MBD5: variants seen among roughly 807,000 people sequenced by gnomAD.
MBD5 encodes the protein methyl-CpG binding domain protein 5, also known as methyl-CpG-binding domain protein 5.
In MBD5, 13 loss-of-function variants were observed where a neutral mutation model predicts 117.3. That is an observed-to-expected ratio of 0.11 (90% CI 0.07 to 0.18). MBD5 has a LOEUF of 0.18. Ranked by LOEUF, MBD5 falls within the 10% of genes least tolerant of loss-of-function variation. The pLI, the probability that MBD5 is intolerant of heterozygous loss-of-function variation, is 1.00. For missense variants in MBD5, 1,879 were observed against 2,093.8 expected, an observed-to-expected ratio of 0.90 and a Z score of 2.00; for synonymous variants, 727 against 766.4, an observed-to-expected ratio of 0.95 and a Z score of 0.85.
intron 1 of MBD5, among the ~76,000 whole-genome samples, chr2:148,051,258 C>A (rs937576603): frequency 6.6e-6 from 1 of 151,972 alleles, no homozygotes; most frequent in East Asian, 1.9e-4. Context: ...CTGCTTTTTG[C>A]ATATTAATTT....
At chr2:148,429,349 A>G (rs1705910629) in intron 4 of MBD5, among the ~76,000 whole-genome samples, 1 of 152,210 alleles carries the variant, frequency 6.6e-6, no homozygotes, top group African/African-American at 2.4e-5. Context: ...AGGAAACAAC[A>G]GATGCTGGGG....
At chr2:148,376,125 G>A (rs78365303) in intron 4 of MBD5, among the ~76,000 whole-genome samples, 18,812 of 151,512 alleles carry the variant, frequency 0.12, 1,557 homozygotes, top group Non-Finnish European at 0.19. Flanking sequence ...CCTAAGGGAA[G>A]TTTCCAAGGT....
At chr2:148,371,154 C>T (rs912650280) in intron 4 of MBD5, among the ~76,000 whole-genome samples, 4 of 152,028 alleles carry the variant, frequency 2.6e-5, no homozygotes, top group Non-Finnish European at 4.4e-5. Flanking sequence ...TTTTAAAATT[C>T]CATCAAGAAT....
At chr2:148,413,492 G>A (rs1178194654) in intron 4 of MBD5, among the ~76,000 whole-genome samples, 1 of 148,552 alleles carries the variant, frequency 6.7e-6, no homozygotes, top group Non-Finnish European at 1.5e-5. Context: ...AATTAGGGAA[G>A]AGTCCCTCCT....
intron 3 of MBD5, among the ~76,000 whole-genome samples, chr2:148,312,031 T>C (rs982558781): frequency 1.3e-4 from 20 of 152,232 alleles, no homozygotes; most frequent in Non-Finnish European, 4.4e-5. Flanking sequence ...GATAATCTGA[T>C]GGGATTCCCT....
At chr2:148,023,085 C>A (rs1480546013) in intron 1 of MBD5, among the ~76,000 whole-genome samples, 2 of 150,834 alleles carry the variant, frequency 1.3e-5, no homozygotes, top group South Asian at 2.1e-4. Context: ...CTCCCTCACA[C>A]CCTTTTTTTT....
intron 4 of MBD5, among the ~76,000 whole-genome samples, chr2:148,382,280 T>A (rs1463362001): frequency 3.3e-5 from 5 of 151,078 alleles, no homozygotes; most frequent in South Asian, 2.1e-4. Flanking sequence ...CAAATGGAAA[T>A]CAAAAAAAGG....
At chr2:148,335,123 T>G (rs553189303) in intron 3 of MBD5, among the ~76,000 whole-genome samples, 2 of 152,236 alleles carry the variant, frequency 1.3e-5, no homozygotes, top group South Asian at 4.1e-4. Context: ...GTGCAGTAGC[T>G]CATGCCTGTA....
intron 3 of MBD5, among the ~76,000 whole-genome samples, chr2:148,340,306 G>A (rs1702903599): frequency 6.6e-6 from 1 of 152,070 alleles, no homozygotes; most frequent in African/African-American, 2.4e-5. Context: ...TTGTTTGCAA[G>A]ATATCACTTT....
chr2:148,099,400 T>C (rs759187434), intron 1 of MBD5, among the ~76,000 whole-genome samples: 15 of 152,184 alleles, frequency 9.9e-5, no homozygotes, highest in African/African-American at 3.6e-4. Context: ...TTATTTCTTA[T>C]AGTTTCAGAC....
intron 4 of MBD5, among the ~76,000 whole-genome samples, chr2:148,448,199 G>A (rs1464139424): frequency 6.6e-6 from 1 of 152,088 alleles, no homozygotes; most frequent in African/African-American, 2.4e-5. Flanking sequence ...CACAGTAAAA[G>A]ATCACTTATT....
In MBD5 at chr2:148,475,817, A is replaced by G. The variant is rs181303717; in HGVS notation, c.2518+5356A>G. Reference sequence around the variant, plus strand: ...AAAAATAATGCTAAAAAATATTCCTATGATGTCATCAAAATGGATTTCATT... The same window carrying G: ...AAAAATAATGCTAAAAAATATTCCTGTGATGTCATCAAAATGGATTTCATT... On this transcript the variant is annotated intron_variant, in intron 8 of 13. Coordinates refer to ENST00000642680, the MANE Select transcript of MBD5 (RefSeq NM_001378120.1). 2.6e-5 allele frequency among the ~76,000 whole-genome samples: 4 copies of G among 152,310 alleles called. No individual in the cohort carries two copies. The East Asian group carries it at 7.7e-4, about 29-fold the overall frequency.
chr2:148,145,319 A>G (rs1317257941), intron 1 of MBD5, among the ~76,000 whole-genome samples: 1 of 152,214 alleles, frequency 6.6e-6, no homozygotes, highest in Admixed American at 6.5e-5. Flanking sequence ...ACTTTGCTGA[A>G]GTTGCTTATC....
intron 1 of MBD5, among the ~76,000 whole-genome samples, chr2:148,141,932 T>C (rs2105543997): frequency 6.6e-6 from 1 of 152,192 alleles, no homozygotes; most frequent in Non-Finnish European, 1.5e-5. Flanking sequence ...CCTATGATTG[T>C]GCCACTGTAC....
Position 148,152,444 on chromosome 2 carries a change from G to A in MBD5, c.-924-26256G>A, listed in dbSNP as rs543278606. 3.0e-3 allele frequency among the ~76,000 whole-genome samples: 462 copies of A among 152,188 alleles called. 5 individuals carry two copies. The highest frequency in any genetic ancestry group is 0.01 in the African/African-American group (429 of 41,518). The stretch of plus-strand genomic sequence containing the variant: ...ATTTGGGGTGGAGAGTTCTGTAGAT[G>A]TCTATTAGGTCCGCTTGCTGCAGAG... On this transcript the variant is annotated intron_variant, in intron 1 of 13. Transcript: ENST00000642680.
At chr2:148,108,053 C>T (rs1696413548) in intron 1 of MBD5, among the ~76,000 whole-genome samples, 1 of 151,228 alleles carries the variant, frequency 6.6e-6, no homozygotes, top group Non-Finnish European at 1.5e-5. Context: ...TACAAATTCT[C>T]AGAGAAGATT....
At chr2:148,331,420 A>G (rs77510247) in intron 3 of MBD5, among the ~76,000 whole-genome samples, 1 of 151,750 alleles carries the variant, frequency 6.6e-6, no homozygotes, top group Non-Finnish European at 1.5e-5. Flanking sequence ...AGCCATGTGG[A>G]CAAAGATTAA....
chr2:148,330,037 C>T (rs1365624749), intron 3 of MBD5, among the ~76,000 whole-genome samples: 1 of 33,038 alleles, frequency 3.0e-5, no homozygotes, highest in African/African-American at 1.2e-4. Context: ...GTAAGAACCC[C>T]CCCCCGCCCC....
At chr2:148,300,216 A>C (rs1407444687) in intron 3 of MBD5, among the ~76,000 whole-genome samples, 2 of 152,078 alleles carry the variant, frequency 1.3e-5, no homozygotes, top group Admixed American at 1.3e-4. Flanking sequence ...CACCACATCC[A>C]GCTAATTTTT....
Sources: gnomAD v4.1 joint callset for allele counts (sites outside exome capture counted in the v4.1 genomes callset) on GRCh38, gnomAD v4.1.1 for gene constraint, MANE v1.5 for transcripts, NCBI Gene and HGNC (gene_info 2026-07-23, HGNC 2026-07-21) for gene names.